The following LMO3 variants were observed in gnomAD, a reference collection of about 807,000 sequenced individuals.
The protein encoded by LMO3 is LIM domain only protein 3.
LMO3 carries 2 observed loss-of-function variants against 15.8 expected under a neutral mutation model. That is an observed-to-expected ratio of 0.13 (90% CI 0.05 to 0.40). The LOEUF (loss-of-function observed/expected upper bound fraction) is 0.40. LMO3 is among the 10% of genes least tolerant of loss of function. The pLI is 0.99. For missense variants in LMO3, 86 were observed against 182.2 expected (o/e 0.47, Z 3.04); for synonymous variants, 62 against 63.8 (o/e 0.97, Z 0.13).
intron 2 of LMO3, among the ~76,000 whole-genome samples, chr12:16,570,992 C>A (rs1942793842): frequency 6.6e-6 from 1 of 151,982 alleles, no homozygotes; most frequent in African/African-American, 2.4e-5. Context: ...ATGTAACTAA[C>A]CTGCACATTG....
chr12:16,575,158 G>T (rs1040060481), intron 2 of LMO3, among the ~76,000 whole-genome samples: 2 of 152,048 alleles, frequency 1.3e-5, no homozygotes, highest in African/African-American at 4.8e-5. Flanking sequence ...TATGATGTCC[G>T]TCATGTTTTT....
rs956545216 is a variant in LMO3 at position 16,600,452 on chromosome 12, C to G, written c.206+203G>C. 1.0e-5 allele frequency: 6 copies of G among 575,238 alleles called. No homozygotes were observed. The African/African-American group carries it at 1.1e-4, about 11-fold the overall frequency. 35.6% of individuals were successfully genotyped at this position (575,238 alleles called of 1,614,324 possible). ...TGTGCAGGCAAGCCAAATTGAAATA[C>G]TTTAAATATTGTGGTTTGTTGGCTA... On this transcript the variant is annotated intron_variant, in intron 2 of 3. Transcript: ENST00000537304.
chr12:16,588,946 T>G (rs1384014087), intron 2 of LMO3, among the ~76,000 whole-genome samples: 1 of 152,098 alleles, frequency 6.6e-6, no homozygotes, highest in Non-Finnish European at 1.5e-5. Context: ...CTTTCCCTAC[T>G]GTGGTCCACT....
At chr12:16,594,694 C>CT (rs1368159663) in intron 2 of LMO3, among the ~76,000 whole-genome samples, 1 of 151,514 alleles carries the variant, frequency 6.6e-6, no homozygotes, top group Admixed American at 6.6e-5. Flanking sequence ...TGGTGCAATT[C>CT]TTTTTTTAGG....
chr12:16,592,064 T>C (rs886233672), intron 2 of LMO3, among the ~76,000 whole-genome samples: 2 of 152,066 alleles, frequency 1.3e-5, no homozygotes, highest in African/African-American at 4.8e-5. Flanking sequence ...TTTCCCAGAC[T>C]GGATAGCTTA....
At chr12:16,565,411 A>T (rs1429722640) in intron 2 of LMO3, among the ~76,000 whole-genome samples, 1 of 152,172 alleles carries the variant, frequency 6.6e-6, no homozygotes, top group Admixed American at 6.5e-5. Flanking sequence ...AACACTTTAA[A>T]CATTCAATTC....
In LMO3 at chr12:16,597,191, C is replaced by A. The variant is rs557594221; in HGVS notation, c.206+3464G>T. On this transcript the variant is annotated intron_variant, in intron 2 of 3. Coordinates refer to ENST00000537304, the MANE Select transcript of LMO3 (RefSeq NM_018640.5). This position sits in a 1 kb window ranked among gnomAD's most constrained non-coding sequence, Gnocchi z 5.0. ...GTCCAGTTCTGGAAAGTGAAAAATT[C>A]CACTGTTAAGATTTGATACTTAGTG... is the stretch of plus-strand genomic sequence containing the variant. Among the ~76,000 whole-genome samples, 136 of 151,678 alleles carry A rather than the reference C, an allele frequency of 9.0e-4. 2 individuals are homozygous for A. Among genetic ancestry groups the A allele is most frequent in the African/African-American group, 3.2e-3 (131 of 41,462 alleles).
chr12:16,609,469 G>T (rs954009646), upstream of LMO3, among the ~76,000 whole-genome samples: 4 of 152,112 alleles, frequency 2.6e-5, no homozygotes, highest in African/African-American at 9.7e-5. Context: ...AAATCTTTGC[G>T]AAAGGATTGC....
At position 16,576,134 on chromosome 12, in the gene LMO3, C is replaced by T. The variant is rs900753438; in HGVS notation, c.207-15596G>A. On this transcript the variant is annotated intron_variant, in intron 2 of 3. Coordinates refer to ENST00000537304, the MANE Select transcript of LMO3 (RefSeq NM_018640.5). This position sits in a 1 kb window ranked among gnomAD's most constrained non-coding sequence, Gnocchi z 4.1. ...AACCTCCCAGCTGAACATCTTTCCACCAGCCTGCCCTGCCCTGCTGTCCGC... is the reference window on the plus strand; with the variant it reads ...AACCTCCCAGCTGAACATCTTTCCATCAGCCTGCCCTGCCCTGCTGTCCGC... Among the ~76,000 whole-genome samples, 16 of 152,206 alleles carry T rather than the reference C, an allele frequency of 1.1e-4. No individual in the cohort carries two copies. Among genetic ancestry groups the T allele is most frequent in the African/African-American group, 3.6e-4 (15 of 41,458 alleles).
At chr12:16,581,501 A>AT (rs991114283) in intron 2 of LMO3, among the ~76,000 whole-genome samples, 11 of 152,290 alleles carry the variant, frequency 7.2e-5, no homozygotes, top group South Asian at 4.1e-4. Flanking sequence ...ATTTCTGTCC[A>AT]TTTTTTTAAC....
rs978505284 is a variant in LMO3 at position 16,605,496 on chromosome 12, T to G, written c.-9+570A>C. The G allele has an allele frequency of 2.1e-5, 8 of 384,338 alleles. No homozygotes were observed. In the Admixed American group the frequency reaches 2.7e-4, roughly 13 times the overall value. The allele number at this position is 384,338 out of a possible 1,614,324, so 23.8% of individuals were successfully genotyped here. ...ACTTTTCCACGGCAAAGGAACAACA[T>G]TTTGTTATTATGGCTGCGTGGAGAG... is the stretch of plus-strand genomic sequence containing the variant. On this transcript the variant is annotated intron_variant, in intron 1 of 3. Coordinates refer to ENST00000537304, the MANE Select transcript of LMO3 (RefSeq NM_018640.5).
chr12:16,585,561 C>T lies in LMO3; in HGVS notation c.206+15094G>A, dbSNP rs554426799. ...TCACAATCTCCCCTTTCCTAAATTCCTCTCACTCAGCTATCTGAGCATCTC... is the reference window on the plus strand; with the variant it reads ...TCACAATCTCCCCTTTCCTAAATTCTTCTCACTCAGCTATCTGAGCATCTC... On this transcript the variant is annotated intron_variant, in intron 2 of 3. Transcript: ENST00000537304. This position sits in a 1 kb window ranked among gnomAD's most constrained non-coding sequence, Gnocchi z 4.7. Among the ~76,000 whole-genome samples the T allele has an allele frequency of 1.4e-4, 21 of 152,258 alleles. No homozygotes were observed. Among genetic ancestry groups the T allele is most frequent in the African/African-American group, 4.8e-4 (20 of 41,550 alleles).
rs1453397308 is a variant in LMO3, at chr12:16,560,766, A to G, written c.207-228T>C. On this transcript the variant is annotated intron_variant, in intron 2 of 3. Coordinates refer to ENST00000537304, the MANE Select transcript of LMO3 (RefSeq NM_018640.5). This position sits in a 1 kb window ranked among gnomAD's most constrained non-coding sequence, Gnocchi z 5.0. ...TTGTTTGAGAAGAAAAGGAAAAGAC[A>G]AATACATTAGGAAGCTTACGTAACT... The G allele has an allele frequency of 1.8e-6, 1 of 561,636 alleles. No individual in the cohort carries two copies. Among genetic ancestry groups the G allele is most frequent in the Non-Finnish European group, 3.3e-6 (1 of 307,274 alleles). The allele number at this position is 561,636 out of a possible 1,614,324, so 34.8% of individuals were successfully genotyped here. A position where few individuals can be genotyped will look rare whatever the true frequency, so the allele number is the denominator to read the frequency against.
In LMO3 at chr12:16,576,491, A is replaced by C. The variant is rs547799798; in HGVS notation, c.207-15953T>G. Among the ~76,000 whole-genome samples the C allele has an allele frequency of 6.6e-6, 1 of 152,086 alleles. No homozygotes were observed. The stretch of plus-strand genomic sequence containing the variant: ...TCAATGGATCTATGAAGCCTCTCTG[A>C]TTTCCTTGAGGCAGAATAAATAACA... On this transcript the variant is annotated intron_variant, in intron 2 of 3. Coordinates refer to ENST00000537304, the MANE Select transcript of LMO3 (RefSeq NM_018640.5). The surrounding 1 kb of genome is among the most constrained non-coding windows in gnomAD (Gnocchi z 4.1).
At chr12:16,569,022 A>G (rs1358589393) in intron 2 of LMO3, among the ~76,000 whole-genome samples, 1 of 152,190 alleles carries the variant, frequency 6.6e-6, no homozygotes, top group Non-Finnish European at 1.5e-5. Context: ...TCTGAAATAG[A>G]TGACAATGCC....
At position 16,589,355 on chromosome 12, in the gene LMO3, A is replaced by C. The variant is rs1241734152; in HGVS notation, c.206+11300T>G. On this transcript the variant is annotated intron_variant, in intron 2 of 3. Transcript: ENST00000537304. This position sits in a 1 kb window ranked among gnomAD's most constrained non-coding sequence, Gnocchi z 4.2. Reference sequence around the variant, plus strand: ...AGAAACACATGATGAGACATTTAAAATATACTGTACATATTACTATGAGTG... The same window carrying C: ...AGAAACACATGATGAGACATTTAAACTATACTGTACATATTACTATGAGTG... Among the ~76,000 whole-genome samples, 2 of 152,140 alleles carry C rather than the reference A, an allele frequency of 1.3e-5. No homozygotes were observed. The highest frequency in any genetic ancestry group is 1.3e-4 in the Admixed American group (2 of 15,260).
At position 16,591,020 on chromosome 12, in the gene LMO3, TG is replaced by T. The variant is rs2137620662; in HGVS notation, c.206+9634del. ...TGAATTCTATAATCCCAAATGAAAT[TG>T]ATTTCACAACTGCCTCACTGAATAA... On this transcript the variant is annotated intron_variant, in intron 2 of 3. Transcript: ENST00000537304. The surrounding 1 kb of genome is among the most constrained non-coding windows in gnomAD (Gnocchi z 4.1). Among the ~76,000 whole-genome samples, 1 of 152,188 alleles carries T rather than the reference TG, an allele frequency of 6.6e-6. No homozygotes were observed. The highest frequency in any genetic ancestry group is 1.5e-5 in the Non-Finnish European group (1 of 67,964).
At chr12:16,575,282 A>C (rs1460866609) in intron 2 of LMO3, among the ~76,000 whole-genome samples, 1 of 152,224 alleles carries the variant, frequency 6.6e-6, no homozygotes, top group African/African-American at 2.4e-5. Flanking sequence ...GCATAAGGTC[A>C]ATTTCCACAC....
At chr12:16,564,933 A>C (rs1340575306) in intron 2 of LMO3, among the ~76,000 whole-genome samples, 2 of 152,108 alleles carry the variant, frequency 1.3e-5, no homozygotes, top group African/African-American at 4.8e-5. Flanking sequence ...CCACAAGTGC[A>C]TATCAACAGA....
Sources: gnomAD v4.1 joint callset for allele counts (sites outside exome capture counted in the v4.1 genomes callset) on GRCh38, gnomAD v4.1.1 for gene constraint, Gnocchi (gnomAD v3.1) non-coding constraint, MANE v1.5 for transcripts, NCBI Gene and HGNC (gene_info 2026-07-23, HGNC 2026-07-21) for gene names.